ANKS1B: variants seen among roughly 807,000 people sequenced by gnomAD.
The protein encoded by ANKS1B is ankyrin repeat and sterile alpha motif domain containing 1B.
In ANKS1B, 36 loss-of-function variants were observed where a neutral mutation model predicts 148.3. The ratio of observed to expected loss-of-function variants is 0.24; its 90% CI spans 0.19 to 0.32. ANKS1B has a LOEUF of 0.32. ANKS1B is among the 10% of genes least tolerant of loss of function. ANKS1B has a pLI of 1.00. For synonymous variants in ANKS1B, 542 were observed against 560.8 expected (o/e 0.97, Z 0.47); for missense variants, 1,157 against 1,542.6 (o/e 0.75, Z 4.19).
intron 8 of ANKS1B, among the ~76,000 whole-genome samples, chr12:99,720,870 C>A (rs1472250624): frequency 5.3e-5 from 8 of 152,194 alleles, no homozygotes; most frequent in Non-Finnish European, 1.5e-5. Context: ...TTCTCCAAGT[C>A]ATCACAGCCA....
intron 2 of ANKS1B, among the ~76,000 whole-genome samples, chr12:99,821,867 CA>C (rs1245955665): frequency 2.0e-5 from 3 of 151,932 alleles, no homozygotes; most frequent in Admixed American, 2.0e-4. Flanking sequence ...AAAAGAATAA[CA>C]ACATTCTCCT....
At chr12:99,360,110 C>T (rs567598145) in intron 12 of ANKS1B, among the ~76,000 whole-genome samples, 1 of 152,262 alleles carries the variant, frequency 6.6e-6, no homozygotes, top group African/African-American at 2.4e-5. Flanking sequence ...TTTTTCACTT[C>T]TCAGAGAATA....
At chr12:98,853,712 T>C (rs1162116252) in intron 17 of ANKS1B, among the ~76,000 whole-genome samples, 2 of 152,206 alleles carry the variant, frequency 1.3e-5, no homozygotes, top group African/African-American at 2.4e-5. Flanking sequence ...CTTTCAGAAT[T>C]TATAATCACA....
chr12:99,661,605 T>C (rs561437864), intron 8 of ANKS1B, among the ~76,000 whole-genome samples: 1 of 152,286 alleles, frequency 6.6e-6, no homozygotes, highest in South Asian at 2.1e-4. Flanking sequence ...TTCCCTCAAG[T>C]ATACCAAACT....
chr12:98,830,427 TC>T lies in ANKS1B; in HGVS notation c.2887-1075del, dbSNP rs368596381. On this transcript the variant is annotated intron_variant, in intron 18 of 26. Coordinates refer to ENST00000683438, the MANE Select transcript of ANKS1B (RefSeq NM_001352186.2). Reference sequence around the variant, plus strand: ...AGTCCCTACCCATCCCACTCCAGTCTCTCTCAGGAGGCTAAGCTTGTCCTCC... The same window carrying T: ...AGTCCCTACCCATCCCACTCCAGTCTTCTCAGGAGGCTAAGCTTGTCCTCC... 1.6e-4 allele frequency among the ~76,000 whole-genome samples: 24 copies of T among 151,574 alleles called. No individual in the cohort carries two copies. In the East Asian group the frequency reaches 3.3e-3, roughly 21 times the overall value.
chr12:99,514,196 A>T (rs749006359), intron 9 of ANKS1B, among the ~76,000 whole-genome samples: 3 of 152,086 alleles, frequency 2.0e-5, no homozygotes. Context: ...TTCCATGTTC[A>T]TAGTAGGACT....
intron 12 of ANKS1B, among the ~76,000 whole-genome samples, chr12:99,376,033 C>T (rs552141688): frequency 1.3e-4 from 20 of 152,248 alleles, no homozygotes; most frequent in African/African-American, 3.9e-4. Context: ...CAAATGATCT[C>T]GACCACAAAA....
At chr12:99,813,820 A>T (rs1247602120) in intron 2 of ANKS1B, among the ~76,000 whole-genome samples, 15 of 151,770 alleles carry the variant, frequency 9.9e-5, no homozygotes, top group Admixed American at 9.9e-4. Context: ...ATTTTACGAA[A>T]TCTGAATTTA....
chr12:98,942,176 G>T (rs554285138), intron 17 of ANKS1B, among the ~76,000 whole-genome samples: 1 of 151,330 alleles, frequency 6.6e-6, no homozygotes, highest in Non-Finnish European at 1.5e-5. Flanking sequence ...AGGAGGCAGA[G>T]GTTGCAGTGA....
rs546492188 is a variant in ANKS1B, at chr12:99,614,192, TG to T, written c.1272+40874del. 3.5e-3 allele frequency among the ~76,000 whole-genome samples: 532 copies of T among 152,112 alleles called. 5 individuals carry two copies. The highest frequency in any genetic ancestry group is 0.012 in the African/African-American group (502 of 41,516). ...GCTCACAACTGTAATCCCAGCACTT[TG>T]GGAGTCCAAGGTGGGCAGATCACCT... On this transcript the variant is annotated intron_variant, in intron 9 of 26. Coordinates refer to ENST00000683438, the MANE Select transcript of ANKS1B (RefSeq NM_001352186.2).
chr12:99,288,262 A>T (rs1398408741), intron 12 of ANKS1B, among the ~76,000 whole-genome samples: 1 of 152,194 alleles, frequency 6.6e-6, no homozygotes, highest in Non-Finnish European at 1.5e-5. Context: ...GAGCGGCATG[A>T]TATATTTAAA....
At chr12:99,323,778 A>G (rs1022915341) in intron 12 of ANKS1B, among the ~76,000 whole-genome samples, 14 of 152,324 alleles carry the variant, frequency 9.2e-5, no homozygotes, top group African/African-American at 3.1e-4. Flanking sequence ...TGTCCCTACA[A>G]AAGTAGAGAT....
At chr12:98,795,689 C>CAAAACAA in intron 22 of ANKS1B, 1 of 447,092 alleles carries the variant, frequency 2.2e-6, no homozygotes, top group Admixed American at 2.5e-5. Context: ...CAAAACAAAA[C>CAAAACAA]AAAACAAAAA....
chr12:99,646,598 G>A (rs183032406), intron 9 of ANKS1B, among the ~76,000 whole-genome samples: 124 of 136,342 alleles, frequency 9.1e-4, no homozygotes, highest in Non-Finnish European at 1.5e-3. Context: ...AGGTTGCAGT[G>A]AGCCAAGATC....
intron 12 of ANKS1B, among the ~76,000 whole-genome samples, chr12:99,373,505 A>T (rs1427820981): frequency 6.6e-6 from 1 of 152,148 alleles, no homozygotes; most frequent in East Asian, 1.9e-4. Flanking sequence ...GATTTGGTCC[A>T]ATACAGGCAA....
rs34366930 is a variant in ANKS1B, at chr12:98,744,795, A to ATT, written c.*942_*943dup. ...GAAATCTTGACAGCAGGAGCACTAG[A>ATT]TTTTTTTTTTTTTAACATGTTCTTT... On this transcript the variant is annotated 3_prime_UTR_variant, in exon 27 of 27. Transcript: ENST00000683438. 0.19 allele frequency: 157,463 copies of ATT among 823,048 alleles called. 3,128 individuals carry two copies. Among genetic ancestry groups the ATT allele is most frequent in the Non-Finnish European group, 0.21 (141,150 of 686,230 alleles). The allele number at this position is 823,048 out of a possible 1,614,324, so 51.0% of individuals were successfully genotyped here. A position where few individuals can be genotyped will look rare whatever the true frequency, so the allele number is the denominator to read the frequency against.
At chr12:99,983,777 T>C (rs762232869) in intron 1 of ANKS1B, among the ~76,000 whole-genome samples, 16 of 152,136 alleles carry the variant, frequency 1.1e-4, no homozygotes, top group Non-Finnish European at 2.2e-4. Flanking sequence ...GCTGCAAATA[T>C]GTAATAAATG....
intron 19 of ANKS1B, among the ~76,000 whole-genome samples, chr12:98,810,502 T>C (rs2099086392): frequency 6.6e-6 from 1 of 152,222 alleles, no homozygotes; most frequent in African/African-American, 2.4e-5. Context: ...GGGGTCTTGG[T>C]TGGAGGTGCT....
intron 12 of ANKS1B, among the ~76,000 whole-genome samples, chr12:99,361,919 C>G (rs2092495267): frequency 6.6e-6 from 1 of 151,972 alleles, no homozygotes; most frequent in Non-Finnish European, 1.5e-5. Context: ...TGACTAAATA[C>G]TTATATCAGT....
Sources: gnomAD v4.1 joint callset for allele counts (sites outside exome capture counted in the v4.1 genomes callset) on GRCh38, gnomAD v4.1.1 for gene constraint, MANE v1.5 for transcripts, NCBI Gene and HGNC (gene_info 2026-07-23, HGNC 2026-07-21) for gene names.